The following MAST4 variants were observed in gnomAD, a reference collection of about 807,000 sequenced individuals.
The protein encoded by MAST4 is microtubule associated serine/threonine kinase family member 4.
In MAST4, 89 loss-of-function variants were observed where a neutral mutation model predicts 162.7. The ratio of observed to expected loss-of-function variants is 0.55; its 90% confidence interval spans 0.46 to 0.65. The LOEUF is 0.65. Ranked by LOEUF, MAST4 falls within the 30% of genes least tolerant of loss-of-function variation. The pLI is 0.00. For synonymous variants in MAST4, 1,479 were observed against 1,361.1 expected, an observed-to-expected ratio of 1.09 and a Z score of -1.91; for missense variants, 3,153 against 3,374.0, an observed-to-expected ratio of 0.93 and a Z score of 1.62.
chr5:66,788,581 A>G lies in MAST4; in HGVS notation c.518-89A>G, dbSNP rs972168196. On this transcript the variant is annotated intron_variant, in intron 2 of 28. Coordinates refer to ENST00000403625, the MANE Select transcript of MAST4 (RefSeq NM_001164664.2). ...GAAGTAATACAGAACAAGGTTGGCC[A>G]GGAAGAGACACCCCACCCCCACCCC... The G allele has an allele frequency of 1.2e-5, 16 of 1,343,102 alleles. No homozygotes were observed. In the East Asian group the frequency reaches 4.5e-4, roughly 38 times the overall value. 83.2% of individuals were successfully genotyped at this position (1,343,102 alleles called of 1,614,324 possible).
intron 6 of MAST4, among the ~76,000 whole-genome samples, chr5:67,092,193 T>C (rs1323451718): frequency 2.0e-5 from 3 of 152,206 alleles, no homozygotes; most frequent in Non-Finnish European, 4.4e-5. Context: ...TTGTAAAATT[T>C]AGTCCAATTG....
intron 5 of MAST4, among the ~76,000 whole-genome samples, chr5:67,084,581 C>G (rs1248002869): frequency 6.6e-6 from 1 of 152,146 alleles, no homozygotes; most frequent in African/African-American, 2.4e-5. Flanking sequence ...TCAAAGTACA[C>G]TTTTTGTGTA....
chr5:66,673,809 G>T (rs530712992), intron 1 of MAST4, among the ~76,000 whole-genome samples: 1 of 152,200 alleles, frequency 6.6e-6, no homozygotes, highest in African/African-American at 2.4e-5. Flanking sequence ...TTTTTTGAAA[G>T]ATCTCTAGAT....
At chr5:66,616,456 C>T (rs1468565965) in intron 1 of MAST4, among the ~76,000 whole-genome samples, 1 of 152,226 alleles carries the variant, frequency 6.6e-6, no homozygotes, top group Non-Finnish European at 1.5e-5. Flanking sequence ...AGAACTGTCT[C>T]AAATAAGACC....
intron 1 of MAST4, among the ~76,000 whole-genome samples, chr5:66,642,674 C>T (rs918299432): frequency 1.3e-5 from 2 of 152,132 alleles, no homozygotes; most frequent in Non-Finnish European, 2.9e-5. Flanking sequence ...CTTATTCTCA[C>T]CCCCATCAAG....
intron 17 of MAST4, 83 bp downstream of exon 17, chr5:67,133,729 A>G: frequency 6.9e-7 from 1 of 1,445,526 alleles, no homozygotes; most frequent in South Asian, 1.2e-5. Flanking sequence ...TGTGTGGGCC[A>G]TCTTCACATT....
rs1168814616 is a variant in MAST4 at position 66,648,088 on chromosome 5, G to C, written c.363+51070G>C. ...TGTGTGTGTGTGTGTGTGTGTGAGA[G>C]AGAGAGAGAGAGAGAGATTTAGTAT... On this transcript the variant is annotated intron_variant, in intron 1 of 28. Transcript: ENST00000403625. Among the ~76,000 whole-genome samples, 4 of 93,146 alleles carry C rather than the reference G, an allele frequency of 4.3e-5. No individual in the cohort carries two copies. In the Admixed American group the frequency reaches 5.0e-4, roughly 12 times the overall value. 61.1% of individuals were successfully genotyped at this position (93,146 alleles called of 152,430 possible). A position where few individuals can be genotyped will look rare whatever the true frequency, so the allele number is the denominator to read the frequency against.
At chr5:67,061,321 GA>G (rs1487714076) in intron 5 of MAST4, among the ~76,000 whole-genome samples, 1 of 152,080 alleles carries the variant, frequency 6.6e-6, no homozygotes, top group Non-Finnish European at 1.5e-5. Flanking sequence ...ATTTCTATGG[GA>G]TTTAGACATT....
At chr5:66,974,698 A>T (rs1939637660) in intron 4 of MAST4, among the ~76,000 whole-genome samples, 1 of 152,228 alleles carries the variant, frequency 6.6e-6, no homozygotes, top group African/African-American at 2.4e-5. Context: ...TTTACCATGG[A>T]ATCTAATGCT....
intron 1 of MAST4, among the ~76,000 whole-genome samples, chr5:66,748,548 G>A (rs1203218267): frequency 6.6e-6 from 1 of 150,670 alleles, no homozygotes; most frequent in Non-Finnish European, 1.5e-5. Context: ...GAGTGCAGTG[G>A]TGCGATCTCG....
intron 4 of MAST4, among the ~76,000 whole-genome samples, chr5:66,968,460 T>C (rs1489305447): frequency 2.6e-5 from 4 of 152,206 alleles, no homozygotes; most frequent in Non-Finnish European, 4.4e-5. Context: ...TGGTAGGATA[T>C]AGTACTACTT....
At chr5:66,832,659 A>G (rs1409813725) in intron 3 of MAST4, among the ~76,000 whole-genome samples, 1 of 152,144 alleles carries the variant, frequency 6.6e-6, no homozygotes, top group East Asian at 1.9e-4. Flanking sequence ...CTCAACCTTA[A>G]TATAATTATG....
intron 2 of MAST4, among the ~76,000 whole-genome samples, chr5:66,775,859 A>G (rs1424875330): frequency 6.6e-6 from 1 of 152,164 alleles, no homozygotes; most frequent in Non-Finnish European, 1.5e-5. Flanking sequence ...GAAATATTTT[A>G]TGATTGTGCT....
intron 3 of MAST4, among the ~76,000 whole-genome samples, chr5:66,816,038 T>A (rs545899419): frequency 3.9e-5 from 6 of 152,322 alleles, no homozygotes; most frequent in Admixed American, 3.9e-4. Flanking sequence ...TTCACTGAAC[T>A]TCAATTTTAG....
intron 4 of MAST4, among the ~76,000 whole-genome samples, chr5:67,030,480 C>T (rs965929242): frequency 1.3e-5 from 2 of 152,066 alleles, no homozygotes; most frequent in Non-Finnish European, 2.9e-5. Flanking sequence ...AAAAATAGAT[C>T]ATCTGAGTGA....
intron 3 of MAST4, among the ~76,000 whole-genome samples, chr5:66,873,207 G>C (rs893354982): frequency 2.0e-5 from 3 of 152,148 alleles, no homozygotes; most frequent in African/African-American, 7.2e-5. Flanking sequence ...AAAACACTGC[G>C]GTAGTAGAAA....
chr5:66,604,151 C>T (rs993206777), intron 1 of MAST4, among the ~76,000 whole-genome samples: 2 of 152,214 alleles, frequency 1.3e-5, no homozygotes, highest in African/African-American at 4.8e-5. Flanking sequence ...CAGACACATA[C>T]TCTGAAGTCA....
intron 1 of MAST4, among the ~76,000 whole-genome samples, chr5:66,718,447 C>T (rs1750994944): frequency 6.6e-6 from 1 of 151,876 alleles, no homozygotes; most frequent in Admixed American, 6.6e-5. Context: ...GTTCAGGTGC[C>T]CAGGAGAGGC....
intron 3 of MAST4, among the ~76,000 whole-genome samples, chr5:66,803,138 T>A (rs958072522): frequency 6.6e-6 from 1 of 152,134 alleles, no homozygotes; most frequent in Non-Finnish European, 1.5e-5. Context: ...CTGGCAACAT[T>A]GTTGTAATAA....
Sources: gnomAD v4.1 joint callset for allele counts (sites outside exome capture counted in the v4.1 genomes callset) on GRCh38, gnomAD v4.1.1 for gene constraint, MANE v1.5 for transcripts, NCBI Gene and HGNC (gene_info 2026-07-23, HGNC 2026-07-21) for gene names.